PRP4K: variants seen among roughly 807,000 people sequenced by gnomAD.
The protein encoded by PRP4K is serine/threonine-protein kinase PRP4 homolog.
chr6:4,044,016 G>C, the PRP4K span: 7 of 1,612,934 alleles, frequency 4.3e-6, no homozygotes, highest in Non-Finnish European at 5.9e-6. Flanking sequence ...CAGTTGAACA[G>C]AATAATGGTG....
chr6:4,052,585 TGTGGGGGTG>T, the PRP4K span: 2 of 634,898 alleles, frequency 3.2e-6, no homozygotes, highest in South Asian at 4.6e-5. Flanking sequence ...ATTTATCAAA[TGTGGGGGTG>T]GTTCTTACAT....
the PRP4K span, chr6:4,037,316 C>G: frequency 1.5e-6 from 2 of 1,303,736 alleles, no homozygotes; most frequent in Non-Finnish European, 2.0e-6. Context: ...TGTGCCTTTT[C>G]TTACAGATGT....
At chr6:4,052,983 TA>T in the PRP4K span, 2 of 1,008,778 alleles carry the variant, frequency 2.0e-6, no homozygotes, top group East Asian at 5.7e-5. Context: ...TAGTTCAGTA[TA>T]TTAATAACCT....
chr6:4,033,299 CATT>C, the PRP4K span, among the ~76,000 whole-genome samples: 2 of 152,100 alleles, frequency 1.3e-5, no homozygotes, highest in East Asian at 1.9e-4. Context: ...CATATAATCT[CATT>C]GTTGAAAAGT....
At chr6:4,035,989 G>T in the PRP4K span, among the ~76,000 whole-genome samples, 1 of 145,022 alleles carries the variant, frequency 6.9e-6, no homozygotes, top group Non-Finnish European at 1.5e-5. Context: ...AATAATAAAT[G>T]AGGAAAATAC....
the PRP4K span, chr6:4,050,566 A>G: frequency 1.2e-5 from 2 of 167,950 alleles, no homozygotes; most frequent in Admixed American, 1.2e-4. Context: ...AAAAAAGTGA[A>G]AATTTATCAG....
At chr6:4,064,139 C>A in the PRP4K span, 4 of 152,536 alleles carry the variant, frequency 2.6e-5, no homozygotes, top group East Asian at 7.7e-4. Context: ...ATCCTGTTTT[C>A]TTCATTCCCT....
the PRP4K span, among the ~76,000 whole-genome samples, chr6:4,038,903 C>A: frequency 7.1e-6 from 1 of 141,724 alleles, no homozygotes; most frequent in Non-Finnish European, 1.5e-5. Flanking sequence ...TTATGGCCTT[C>A]TGGGAAATTT....
the PRP4K span, chr6:4,060,310 A>T: frequency 2.0e-6 from 2 of 1,008,966 alleles, no homozygotes; most frequent in Non-Finnish European, 2.9e-6. The surrounding 1 kb of genome is among the most constrained non-coding windows in gnomAD (Gnocchi z 4.7). Flanking sequence ...TTGTATGTAT[A>T]TGCATGTTTT....
the PRP4K span, among the ~76,000 whole-genome samples, chr6:4,032,976 G>A: frequency 3.5e-4 from 53 of 152,284 alleles, no homozygotes; most frequent in Middle Eastern, 3.4e-3. Context: ...CAAATACTGA[G>A]CTTGATGATA....
At chr6:4,049,132 T>G in the PRP4K span, 1 of 1,561,854 alleles carries the variant, frequency 6.4e-7, no homozygotes, top group Non-Finnish European at 8.8e-7. Context: ...ATATTAACTT[T>G]AGAGTTCATT....
At chr6:4,045,214 A>C in the PRP4K span, among the ~76,000 whole-genome samples, 1 of 152,104 alleles carries the variant, frequency 6.6e-6, no homozygotes, top group South Asian at 2.1e-4. Flanking sequence ...TTGGCACTGA[A>C]ATTTGAATTT....
At chr6:4,038,421 C>G in the PRP4K span, among the ~76,000 whole-genome samples, 1 of 151,488 alleles carries the variant, frequency 6.6e-6, no homozygotes, top group African/African-American at 2.4e-5. Flanking sequence ...GTAGCTGGGA[C>G]TAGAGGTGCC....
the PRP4K span, among the ~76,000 whole-genome samples, chr6:4,058,182 TTTAA>T: frequency 6.6e-6 from 1 of 152,212 alleles, no homozygotes; most frequent in Non-Finnish European, 1.5e-5. Context: ...AGTTAATTTA[TTTAA>T]TAATTTTTTT....
chr6:4,057,751 C>CTTTTT, the PRP4K span, among the ~76,000 whole-genome samples: 1 of 81,096 alleles, frequency 1.2e-5, no homozygotes, highest in Non-Finnish European at 2.4e-5. Flanking sequence ...CATAACTTAG[C>CTTTTT]TTTTTTTTTT....
At chr6:4,024,667 A>G in the PRP4K span, among the ~76,000 whole-genome samples, 11 of 152,138 alleles carry the variant, frequency 7.2e-5, no homozygotes, top group Non-Finnish European at 1.3e-4. Context: ...CAGTAGCGCA[A>G]TCTTGGCTCA....
chr6:4,058,977 G>A, the PRP4K span: 1 of 527,968 alleles, frequency 1.9e-6, no homozygotes, highest in Non-Finnish European at 3.3e-6. Context: ...TGGAAAAGAT[G>A]GAGGGATTTT....
the PRP4K span, chr6:4,047,277 CAAA>C: frequency 6.7e-7 from 1 of 1,492,196 alleles, no homozygotes; most frequent in Non-Finnish European, 9.2e-7. Flanking sequence ...AGTGTTAAAA[CAAA>C]AAAAAATAAC....
At chr6:4,042,650 T>A in the PRP4K span, 24 of 1,010,602 alleles carry the variant, frequency 2.4e-5, no homozygotes, top group Non-Finnish European at 3.4e-5. Context: ...TAATAACAGT[T>A]GAACAGGTCC....
Sources: allele counts gnomAD v4.1 joint callset (sites outside exome capture counted in the v4.1 genomes callset), GRCh38; gene constraint gnomAD v4.1.1; non-coding constraint Gnocchi (gnomAD v3.1); transcripts MANE v1.5; gene names NCBI Gene and HGNC (gene_info 2026-07-23, HGNC 2026-07-21).